Variants in ANKRD26 observed in about 807,000 individuals in gnomAD.
The protein encoded by ANKRD26 is ankyrin repeat domain 26.
ANKRD26 carries 141 observed loss-of-function variants against 208.7 expected under a neutral mutation model. That is an observed-to-expected ratio of 0.68 (90% CI 0.59 to 0.78). The LOEUF (loss-of-function observed/expected upper bound fraction) is 0.78, where lower values mean the gene tolerates loss of function less well. Among genes scored for constraint, ANKRD26 ranks in the 30% least tolerant of loss-of-function variants. ANKRD26 has a pLI of 0.00. For synonymous variants in ANKRD26, 636 were observed against 660.4 expected (o/e 0.96, Z 0.57); for missense variants, 1,889 against 1,938.7 (o/e 0.97, Z 0.48).
At chr10:26,958,683 T>C in the ANKRD26 span, among the ~76,000 whole-genome samples, 20 of 152,340 alleles carry the variant, frequency 1.3e-4, no homozygotes, top group East Asian at 3.3e-3. Flanking sequence ...ATGGTGTGTA[T>C]ACCACATTTT....
chr10:26,989,630 C>A (rs1196657760), downstream of ANKRD26, among the ~76,000 whole-genome samples: 1 of 152,136 alleles, frequency 6.6e-6, no homozygotes, highest in Non-Finnish European at 1.5e-5. Flanking sequence ...GGTTCCCCTA[C>A]CTGTTACTGA....
intron 1 of ANKRD26, among the ~76,000 whole-genome samples, chr10:27,099,534 C>A (rs2056575596): frequency 6.7e-6 from 1 of 149,630 alleles, no homozygotes; most frequent in Non-Finnish European, 1.5e-5. Context: ...CCTGCCTCAG[C>A]CTTCCAAGTA....
intron 11 of ANKRD26, 118 bp downstream of exon 11, chr10:27,066,365 TAAGA>T (rs2055246652): frequency 1.8e-5 from 11 of 626,636 alleles, no homozygotes; most frequent in Non-Finnish European, 2.7e-5. Flanking sequence ...CTGAAAAATA[TAAGA>T]AAGTAGTTCC....
chr10:26,972,238 A>C (rs1252334475), downstream of ANKRD26, among the ~76,000 whole-genome samples: 2 of 150,854 alleles, frequency 1.3e-5, no homozygotes, highest in Non-Finnish European at 3.0e-5. Context: ...CCGTCTCAAA[A>C]AAAAAAAAAA....
chr10:27,072,657 A>G (rs918482143), intron 9 of ANKRD26, among the ~76,000 whole-genome samples: 1 of 152,146 alleles, frequency 6.6e-6, no homozygotes, highest in African/African-American at 2.4e-5. Context: ...CTCCTGGCTA[A>G]AACTCAACAA....
chr10:27,050,283 T>C (rs2054609506), intron 16 of ANKRD26, among the ~76,000 whole-genome samples: 1 of 148,254 alleles, frequency 6.7e-6, no homozygotes, highest in Admixed American at 6.7e-5. Context: ...ATCTGCAGAT[T>C]ATTGTTTATC....
chr10:26,989,524 G>A (rs1216496541), downstream of ANKRD26, among the ~76,000 whole-genome samples: 1 of 152,206 alleles, frequency 6.6e-6, no homozygotes, highest in Non-Finnish European at 1.5e-5. Context: ...GAACATGTGA[G>A]ACCTACCAAG....
intron 31 of ANKRD26, among the ~76,000 whole-genome samples, chr10:27,013,393 C>G (rs2053182887): frequency 6.6e-6 from 1 of 152,146 alleles, no homozygotes; most frequent in African/African-American, 2.4e-5. Context: ...TATAACTTCA[C>G]AGGTAACACC....
chr10:26,966,227 C>A, the ANKRD26 span, among the ~76,000 whole-genome samples: 1 of 152,116 alleles, frequency 6.6e-6, no homozygotes, highest in Non-Finnish European at 1.5e-5. Context: ...GACATGGAAC[C>A]AACCCAAATG....
the ANKRD26 span, among the ~76,000 whole-genome samples, chr10:26,966,036 A>C: frequency 6.6e-6 from 1 of 152,180 alleles, no homozygotes; most frequent in African/African-American, 2.4e-5. Context: ...TGTTGGTGGG[A>C]ATGTAAATTA....
chr10:27,076,172 A>C (rs4481929), intron 9 of ANKRD26, among the ~76,000 whole-genome samples: 102 of 151,132 alleles, frequency 6.7e-4, no homozygotes, highest in East Asian at 2.8e-3. Context: ...AAGAAATGAA[A>C]TAACAAAGAT....
At position 27,100,142 on chromosome 10, in the gene ANKRD26, A is replaced by T. The variant is rs778545520; in HGVS notation, c.185T>A (p.Val62Glu). Reference sequence around the variant, plus strand: ...CTTCCTGAGCAAAAGGATCTGCTGCACTTTCGCCACATTACCCGCGCTGGC... The same window carrying T: ...CTTCCTGAGCAAAAGGATCTGCTGCTCTTTCGCCACATTACCCGCGCTGGC... ...KAASAGNVAK[V>E]QQILLLRKNG... Residue 62 changes from valine (V) to glutamate (E), a missense_variant, in exon 1 of 34, where the codon GTG (valine) becomes GAG (glutamate). Around this residue, in one of 3 missense-constraint regions of ANKRD26, gnomAD observed 1,272 missense variants for 1,273.8 expected, o/e 1.00. Coordinates refer to ENST00000376087, the MANE Select transcript of ANKRD26 (RefSeq NM_014915.3). The T allele has an allele frequency of 5.0e-6, 8 of 1,614,056 alleles. No homozygotes were observed. The East Asian group carries it at 1.8e-4, about 36-fold the overall frequency.
At chr10:27,077,800 C>G in intron 7 of ANKRD26, 107 bp from the exon 8 acceptor site, 1 of 1,049,978 alleles carries the variant, frequency 9.5e-7, no homozygotes, top group South Asian at 1.4e-5. Context: ...ACACAAAGAA[C>G]AAAGATTTTG....
intron 1 of ANKRD26, among the ~76,000 whole-genome samples, chr10:27,095,145 G>A (rs917935230): frequency 1.3e-5 from 2 of 152,010 alleles, no homozygotes; most frequent in Non-Finnish European, 2.9e-5. Flanking sequence ...TTTTAAAATT[G>A]AAAAACAGAT....
chr10:26,966,441 T>C, the ANKRD26 span, among the ~76,000 whole-genome samples: 2 of 151,900 alleles, frequency 1.3e-5, no homozygotes, highest in Non-Finnish European at 2.9e-5. Context: ...TGAGAACACA[T>C]GGATACAGGG....
At chr10:26,960,070 G>C in the ANKRD26 span, among the ~76,000 whole-genome samples, 1 of 151,860 alleles carries the variant, frequency 6.6e-6, no homozygotes, top group African/African-American at 2.4e-5. Context: ...GCTGAGACAC[G>C]AGAATCACTT....
chr10:27,048,703 G>C, intron 17 of ANKRD26, 98 bp downstream of exon 17: 6 of 1,330,690 alleles, frequency 4.5e-6, no homozygotes, highest in Non-Finnish European at 6.3e-6. Context: ...CCCTTGCATA[G>C]TAAAAGTATA....
intron 1 of ANKRD26, among the ~76,000 whole-genome samples, chr10:27,099,462 C>A (rs1352037670): frequency 1.3e-5 from 2 of 151,808 alleles, no homozygotes; most frequent in Admixed American, 1.3e-4. Flanking sequence ...AAGATAGGGT[C>A]TTGCTCTGTT....
the ANKRD26 span, among the ~76,000 whole-genome samples, chr10:26,949,531 T>C: frequency 6.6e-6 from 1 of 152,102 alleles, no homozygotes; most frequent in Admixed American, 6.5e-5. Context: ...TTTTGACCAG[T>C]GTCTCACTCT....
Sources: gnomAD v4.1 joint callset for allele counts (sites outside exome capture counted in the v4.1 genomes callset) on GRCh38, gnomAD v4.1.1 for gene constraint, gnomAD v4.1.1 regional missense constraint, MANE v1.5 for transcripts, NCBI Gene and HGNC (gene_info 2026-07-23, HGNC 2026-07-21) for gene names.